Variants in SOX6 observed in about 807,000 individuals in gnomAD.
The protein encoded by SOX6 is transcription factor SOX-6.
A neutral mutation model predicts 97.8 loss-of-function variants in SOX6; 11 were observed. The observed-to-expected ratio is 0.11, with a 90% CI of 0.07 to 0.19. The LOEUF (loss-of-function observed/expected upper bound fraction) is 0.19, where lower values mean the gene tolerates loss of function less well. SOX6 is among the 10% of genes least tolerant of loss of function. SOX6 has a pLI of 1.00. For synonymous variants in SOX6, 360 were observed against 371.4 expected, an observed-to-expected ratio of 0.97 and a Z score of 0.35; for missense variants, 810 against 1,039.5, an observed-to-expected ratio of 0.78 and a Z score of 3.04.
At chr11:16,403,149 A>G (rs1375270084) in intron 1 of SOX6, among the ~76,000 whole-genome samples, 4 of 151,620 alleles carry the variant, frequency 2.6e-5, no homozygotes, top group Admixed American at 1.3e-4. Context: ...TACAGACAAC[A>G]TGATGAGCTA....
At chr11:16,024,600 T>C (rs552735221) in intron 12 of SOX6, among the ~76,000 whole-genome samples, 6 of 151,928 alleles carry the variant, frequency 3.9e-5, no homozygotes, top group East Asian at 1.9e-4. Context: ...GGAAGATTTA[T>C]ACTTGAGGCA....
chr11:16,399,692 A>G (rs1356156420), intron 1 of SOX6, among the ~76,000 whole-genome samples: 1 of 151,458 alleles, frequency 6.6e-6, no homozygotes, highest in East Asian at 1.9e-4. Flanking sequence ...TAAGGTTCTT[A>G]ACAGAAGGAC....
chr11:16,619,460 C>G (rs1444915763), intron 3 of SOX6, among the ~76,000 whole-genome samples: 4 of 151,708 alleles, frequency 2.6e-5, no homozygotes, highest in Non-Finnish European at 4.4e-5. Context: ...CTAGAGAAAC[C>G]AAATAAATTC....
At chr11:16,548,182 C>G (rs191181612) in intron 4 of SOX6, among the ~76,000 whole-genome samples, 1 of 152,018 alleles carries the variant, frequency 6.6e-6, no homozygotes, top group Non-Finnish European at 1.5e-5. Context: ...GCAAAAATAT[C>G]TTTCTAATGT....
intron 4 of SOX6, among the ~76,000 whole-genome samples, chr11:16,486,427 A>G (rs1211175544): frequency 6.6e-6 from 1 of 151,810 alleles, no homozygotes; most frequent in Non-Finnish European, 1.5e-5. Context: ...AGCCTGTCTG[A>G]TTTCAGAGAT....
At chr11:16,534,239 C>T (rs542599253) in intron 4 of SOX6, among the ~76,000 whole-genome samples, 1 of 152,068 alleles carries the variant, frequency 6.6e-6, no homozygotes, top group Non-Finnish European at 1.5e-5. Context: ...CTAGAAAATT[C>T]TCAAATGAGC....
intron 3 of SOX6, among the ~76,000 whole-genome samples, chr11:16,634,810 C>T (rs577825656): frequency 2.9e-4 from 43 of 146,338 alleles, no homozygotes; most frequent in African/African-American, 9.4e-4. Context: ...CCCCATGTGT[C>T]GTGGGAGGGA....
At chr11:16,629,695 T>C (rs1256105231) in intron 3 of SOX6, among the ~76,000 whole-genome samples, 1 of 152,156 alleles carries the variant, frequency 6.6e-6, no homozygotes, top group Admixed American at 6.5e-5. Context: ...GTGCATCTAG[T>C]AGAATTTAGC....
At chr11:16,659,079 G>A (rs1847746918) in intron 3 of SOX6, among the ~76,000 whole-genome samples, 1 of 152,108 alleles carries the variant, frequency 6.6e-6, no homozygotes, top group South Asian at 2.1e-4. Flanking sequence ...CATGGACTCT[G>A]CTTTTTGGTG....
chr11:16,438,198 T>C (rs1460752325), intron 1 of SOX6, among the ~76,000 whole-genome samples: 1 of 152,142 alleles, frequency 6.6e-6, no homozygotes, highest in Non-Finnish European at 1.5e-5. Context: ...TATTTTTAAA[T>C]AAAATTTAAC....
At chr11:16,405,576 C>T (rs1204973007) in intron 1 of SOX6, among the ~76,000 whole-genome samples, 2 of 151,926 alleles carry the variant, frequency 1.3e-5, no homozygotes, top group African/African-American at 4.8e-5. Flanking sequence ...AATTCTATTA[C>T]AAAAGAGAGT....
chr11:16,307,094 G>A (rs1410990710), intron 3 of SOX6, among the ~76,000 whole-genome samples: 2 of 152,160 alleles, frequency 1.3e-5, no homozygotes, highest in African/African-American at 4.8e-5. Flanking sequence ...GAGGGGAGTC[G>A]TCCATGGCAG....
chr11:16,365,429 G>T (rs613453), intron 1 of SOX6, among the ~76,000 whole-genome samples: 2,974 of 152,042 alleles, frequency 0.02, 98 homozygotes, highest in African/African-American at 0.068. Context: ...ATCAGTCATT[G>T]CACCATGTAA....
At chr11:16,308,339 C>A (rs962596241) in intron 3 of SOX6, among the ~76,000 whole-genome samples, 1 of 152,040 alleles carries the variant, frequency 6.6e-6, no homozygotes, top group African/African-American at 2.4e-5. Flanking sequence ...AAAAGAAAAT[C>A]AAAATGGCAT....
chr11:15,990,696 T>C (rs16932405), intron 13 of SOX6, among the ~76,000 whole-genome samples: 14,277 of 152,182 alleles, frequency 0.094, 1,397 homozygotes, highest in East Asian at 0.37. Flanking sequence ...TGAGAACTTC[T>C]ATAATTAAAG....
At position 16,607,956 on chromosome 11, in the gene SOX6, C is replaced by CA. The variant is rs1848355035; in HGVS notation, n.609+4124dup. ...AGAGAGCCGCAAAGAGAGAGGAGGGCAGAGACATCGGCGAGACCAGAGGTT... is the reference window on the plus strand; with the variant it reads ...AGAGAGCCGCAAAGAGAGAGGAGGGCAAGAGACATCGGCGAGACCAGAGGTT... On this transcript the variant is annotated intron_variant and non_coding_transcript_variant, in intron 4 of 5. Coordinates refer to the SOX6 transcript ENST00000524520. The surrounding 1 kb of genome is among the most constrained non-coding windows in gnomAD (Gnocchi z 6.5). Among the ~76,000 whole-genome samples the CA allele has an allele frequency of 1.3e-5, 2 of 151,972 alleles. No homozygotes were observed. The highest frequency in any genetic ancestry group is 2.9e-5 in the Non-Finnish European group (2 of 67,960).
chr11:16,515,044 T>A (rs939932987), intron 4 of SOX6, among the ~76,000 whole-genome samples: 31 of 151,610 alleles, frequency 2.0e-4, no homozygotes, highest in Non-Finnish European at 3.8e-4. Flanking sequence ...TGATTTATAG[T>A]CCTTTGGGTA....
At chr11:16,711,588 C>T (rs905275163) in intron 3 of SOX6, among the ~76,000 whole-genome samples, 1 of 152,174 alleles carries the variant, frequency 6.6e-6, no homozygotes, top group Non-Finnish European at 1.5e-5. Context: ...AAGATGAAAT[C>T]CAAACTTCAT....
intron 9 of SOX6, among the ~76,000 whole-genome samples, chr11:16,083,370 G>A (rs1389167351): frequency 1.3e-5 from 2 of 152,162 alleles, no homozygotes; most frequent in Admixed American, 1.3e-4. Context: ...GTTAGCATAA[G>A]CTTATATTCT....
Sources: gnomAD v4.1 joint callset for allele counts (sites outside exome capture counted in the v4.1 genomes callset) on GRCh38, gnomAD v4.1.1 for gene constraint, Gnocchi (gnomAD v3.1) non-coding constraint, MANE v1.5 for transcripts, NCBI Gene and HGNC (gene_info 2026-07-23, HGNC 2026-07-21) for gene names.